The following POLR1C variants were observed in gnomAD, a reference collection of about 807,000 sequenced individuals.
POLR1C encodes RNA polymerase I and III subunit C.
A neutral mutation model predicts 38.3 loss-of-function variants in POLR1C; 42 were observed. That is an observed-to-expected ratio of 1.10 (90% CI 0.86 to 1.42). POLR1C has a LOEUF of 1.42. Ranked by LOEUF, POLR1C falls within the 40% of genes most tolerant of loss-of-function variation. The pLI is 0.00. For synonymous variants in POLR1C, 163 were observed against 163.9 expected, an observed-to-expected ratio of 0.99 and a Z score of 0.04; for missense variants, 507 against 450.5, an observed-to-expected ratio of 1.13 and a Z score of -1.14.
chr6:43,530,416 CTG>C (rs1477331485), downstream of POLR1C, among the ~76,000 whole-genome samples: 1 of 150,002 alleles, frequency 6.7e-6, no homozygotes, highest in African/African-American at 2.5e-5. Flanking sequence ...GTGAGCAAGA[CTG>C]TCTCAAAAAA....
downstream of POLR1C, among the ~76,000 whole-genome samples, chr6:43,532,098 T>A (rs531495838): frequency 8.5e-5 from 13 of 152,370 alleles, no homozygotes; most frequent in African/African-American, 3.1e-4. Context: ...GTTGGCCACT[T>A]ATTTCTATAG....
chr6:43,545,605 G>A (rs1794925357), intron 9 of POLR1C, among the ~76,000 whole-genome samples: 1 of 152,110 alleles, frequency 6.6e-6, no homozygotes, highest in Admixed American at 6.5e-5. Context: ...TACTTGGGTG[G>A]CTGAGGCAGA....
chr6:43,532,841 C>T (rs1794068172), downstream of POLR1C, among the ~76,000 whole-genome samples: 1 of 152,164 alleles, frequency 6.6e-6, no homozygotes, highest in Admixed American at 6.5e-5. Flanking sequence ...AAAGCAGTAT[C>T]CTAACAAGGT....
At chr6:43,526,561 A>G in intron 8 of POLR1C, 2 of 1,087,530 alleles carry the variant, frequency 1.8e-6, no homozygotes, top group South Asian at 2.8e-5. Flanking sequence ...GGGCTGGTCC[A>G]GAGATGATAA....
rs1314614309 is a variant in POLR1C at position 43,562,237 on chromosome 6, A to G, written c.*886A>G. On this transcript the variant is annotated 3_prime_UTR_variant, in exon 11 of 11. Transcript: ENST00000607635. ...GCTTGAAGCTCTCCAGAAAGCAAAC[A>G]CTAGCTCACCAGCAATGCACACAGC... The G allele has an allele frequency of 1.3e-6, 2 of 1,597,994 alleles. No homozygotes were observed. Among genetic ancestry groups the G allele is most frequent in the Non-Finnish European group, 8.5e-7 (1 of 1,172,228 alleles).
At chr6:43,540,332 A>G (rs1794624873) in intron 9 of POLR1C, among the ~76,000 whole-genome samples, 1 of 152,208 alleles carries the variant, frequency 6.6e-6, no homozygotes, top group African/African-American at 2.4e-5. Context: ...ACAAAAAATT[A>G]GCCAGGCGAG....
intron 5 of POLR1C, 41 bp from the exon 6 acceptor site, chr6:43,520,234 A>G (rs1333233879): frequency 1.2e-6 from 2 of 1,613,912 alleles, no homozygotes; most frequent in African/African-American, 2.7e-5. Flanking sequence ...GGTAGCTGCT[A>G]GTTTTAGGGA....
At chr6:43,561,373 G>GTT (rs1762407384) in intron 10 of POLR1C, 1 of 169,780 alleles carries the variant, frequency 5.9e-6, no homozygotes, top group Non-Finnish European at 1.3e-5. Flanking sequence ...CCCTTCAATA[G>GTT]TTTCTTTTCT....
At chr6:43,517,271 G>A (rs761815367) in intron 1 of POLR1C, 35 bp from the exon 2 acceptor site, 1 of 1,608,766 alleles carries the variant, frequency 6.2e-7, no homozygotes, top group South Asian at 1.1e-5. Flanking sequence ...TGGGCTCACT[G>A]TCCCTTCGTG....
At chr6:43,525,425 A>C, downstream of POLR1C, 1 of 561,010 alleles carries the variant, frequency 1.8e-6, no homozygotes, top group Non-Finnish European at 3.1e-6. Context: ...GGTGTGTGCC[A>C]CCATGCCTGG....
At chr6:43,553,786 G>A (rs953345059) in intron 10 of POLR1C, 5 of 310,122 alleles carry the variant, frequency 1.6e-5, no homozygotes. Flanking sequence ...ACCATTTTGA[G>A]TAATGAATGA....
In POLR1C at chr6:43,519,431, G is replaced by C; in HGVS notation, c.240G>C (p.Leu80=). The stretch of plus-strand genomic sequence containing the variant: ...TTGCCAATGCTTTTCGACGAATTCT[G>C]CTAGCTGAGGTATTGGCAGGCATGG... ...AAIANAFRRI[L]LAEVPTMAVE... is the part of the protein sequence containing the mutation. The change falls in exon 3 of 9, where the codon CTG becomes CTC. Residue 80 remains leucine, a synonymous_variant. Coordinates refer to ENST00000642195, the MANE Select transcript of POLR1C (RefSeq NM_203290.4). 6.2e-7 allele frequency: 1 copy of C among 1,610,480 alleles called. No homozygotes were observed. The highest frequency in any genetic ancestry group is 8.5e-7 in the Non-Finnish European group (1 of 1,176,628).
intron 9 of POLR1C, among the ~76,000 whole-genome samples, chr6:43,550,248 A>G (rs1034046270): frequency 1.3e-5 from 2 of 152,172 alleles, no homozygotes; most frequent in Admixed American, 6.5e-5. Context: ...TGTATGGTCT[A>G]TCCCTTCTAT....
chr6:43,539,836 C>G, intron 9 of POLR1C: 2 of 520,932 alleles, frequency 3.8e-6, no homozygotes. Flanking sequence ...GTTTTTTGGT[C>G]TAATTTAACT....
chr6:43,526,664 A>G (rs781542928), intron 8 of POLR1C: 18 of 1,613,510 alleles, frequency 1.1e-5, no homozygotes, highest in Non-Finnish European at 1.5e-5. Flanking sequence ...CAGAACTCCA[A>G]GGTCTCACAG....
chr6:43,520,352 CATG>C lies in POLR1C; in HGVS notation c.586_588del (p.Asp196del), dbSNP rs1230021978. 1.9e-6 allele frequency: 3 copies of C among 1,613,696 alleles called. No homozygotes were observed. Among genetic ancestry groups the C allele is most frequent in the East Asian group, 2.2e-5 (1 of 44,884 alleles). The stretch of plus-strand genomic sequence containing the variant: ...TCCAGAGGGCACTATCCGACCAGTG[CATG>C]ATGATATCCTCATCGCTCAGCTGCG... On this transcript the variant is annotated inframe_deletion, in exon 6 of 9. Transcript: ENST00000642195.
Position 43,521,332 on chromosome 6 carries a change from T to G in POLR1C, c.*32T>G. On this transcript the variant is annotated 3_prime_UTR_variant, in exon 9 of 9. Transcript: ENST00000642195. ...ATGCTTCTGAGGCAAGCTGAAGCTT[T>G]GGGTTCTGACTGACCCACCCTACAG... is the stretch of plus-strand genomic sequence containing the variant. 1 of 1,611,882 alleles carries G rather than the reference T, an allele frequency of 6.2e-7. No homozygotes were observed.
downstream of POLR1C, chr6:43,521,538 G>A (rs190470282): frequency 3.3e-5 from 38 of 1,163,176 alleles, no homozygotes; most frequent in Admixed American, 7.5e-4. Flanking sequence ...TTTTGAGTTT[G>A]TTTTTTGAGA....
chr6:43,548,470 A>C, intron 9 of POLR1C: 1 of 1,524,498 alleles, frequency 6.6e-7, no homozygotes, highest in East Asian at 2.3e-5. Flanking sequence ...GCTACAGATC[A>C]AAAAGAAAAA....
Sources: gnomAD v4.1 joint callset for allele counts (sites outside exome capture counted in the v4.1 genomes callset) on GRCh38, gnomAD v4.1.1 for gene constraint, MANE v1.5 for transcripts, NCBI Gene and HGNC (gene_info 2026-07-23, HGNC 2026-07-21) for gene names.